Variants in AHRR observed in about 807,000 individuals in gnomAD.
The protein encoded by AHRR is ahR repressor.
Under a neutral mutation model 44.0 loss-of-function variants are expected in AHRR, and 28 were observed. The observed-to-expected ratio is 0.64, with a 90% CI of 0.47 to 0.87. The LOEUF is 0.87. AHRR is among the 40% of genes least tolerant of loss of function. The pLI is 0.00. For missense variants in AHRR, 990 were observed against 953.9 expected, an observed-to-expected ratio of 1.04 and a Z score of -0.50; for synonymous variants, 434 against 407.0, an observed-to-expected ratio of 1.07 and a Z score of -0.80.
chr5:337,481 C>G lies in AHRR; in HGVS notation c.-10-6412C>G, dbSNP rs915842830. Among the ~76,000 whole-genome samples the G allele has an allele frequency of 6.6e-6, 1 of 152,134 alleles. No homozygotes were observed. Among genetic ancestry groups the G allele is most frequent in the African/African-American group, 2.4e-5 (1 of 41,418 alleles). On this transcript the variant is annotated intron_variant, in intron 1 of 10. Coordinates refer to ENST00000684583, the MANE Select transcript of AHRR (RefSeq NM_001377236.1). This position sits in a 1 kb window ranked among gnomAD's most constrained non-coding sequence, Gnocchi z 4.1. ...GCAGCCTTGACCTCCCAGGCTCAAG[C>G]GATACTCCTGCCTTAGTCTCCTGAG... is the stretch of plus-strand genomic sequence containing the variant.
Position 419,919 on chromosome 5 carries a change from G to C in AHRR, c.442-2810G>C, listed in dbSNP as rs115629748. 0.022 allele frequency among the ~76,000 whole-genome samples: 3,282 copies of C among 152,310 alleles called. 72 individuals are homozygous for C. Among genetic ancestry groups the C allele is most frequent in the Admixed American group, 0.052 (801 of 15,300 alleles). On this transcript the variant is annotated intron_variant, in intron 5 of 10. Coordinates refer to ENST00000684583, the MANE Select transcript of AHRR (RefSeq NM_001377236.1). The surrounding 1 kb of genome is among the most constrained non-coding windows in gnomAD (Gnocchi z 4.4). ...GGATTTTAAGATGTGGAATTGGGAG[G>C]TAGAGTGGTTTAGAATAAGAACTCC...
intron 2 of AHRR, among the ~76,000 whole-genome samples, chr5:349,374 G>A (rs547831188): frequency 3.9e-5 from 6 of 152,196 alleles, no homozygotes; most frequent in Admixed American, 3.3e-4. Context: ...TCAGGAGATC[G>A]AGACCATCCT....
chr5:365,453 G>C (rs2126416541), intron 3 of AHRR, among the ~76,000 whole-genome samples: 1 of 152,182 alleles, frequency 6.6e-6, no homozygotes, highest in South Asian at 2.1e-4. Context: ...AAAATGTGTG[G>C]GATGTAGCCA....
intron 1 of AHRR, among the ~76,000 whole-genome samples, chr5:323,380 C>T (rs1350484017): frequency 2.0e-5 from 3 of 152,162 alleles, no homozygotes; most frequent in African/African-American, 4.8e-5. Flanking sequence ...CTAGGTATGG[C>T]AAGAACTGAG....
chr5:404,206 G>A lies in AHRR; in HGVS notation c.352-9138G>A, dbSNP rs16900846. 8.2e-3 allele frequency: 4,357 copies of A among 528,282 alleles called. 41 individuals carry two copies. The highest frequency in any genetic ancestry group is 0.036 in the African/African-American group (1,876 of 52,126). The allele number at this position is 528,282 out of a possible 1,614,324, so 32.7% of individuals were successfully genotyped here. ...CTGGTCTTCTGCAGCCTTTGAACCC[G>A]TCGCAGCTCTCGCTCATCCATGAGT... is the stretch of plus-strand genomic sequence containing the variant. On this transcript the variant is annotated intron_variant, in intron 4 of 10. Transcript: ENST00000684583. This position sits in a 1 kb window ranked among gnomAD's most constrained non-coding sequence, Gnocchi z 4.1.
chr5:379,952 A>G (rs1733914711), intron 4 of AHRR, among the ~76,000 whole-genome samples: 1 of 152,176 alleles, frequency 6.6e-6, no homozygotes. Context: ...CTAAAGTTGT[A>G]TAGTTTCATA....
chr5:344,941 T>TG (rs1220298708), intron 2 of AHRR, among the ~76,000 whole-genome samples: 118 of 26,356 alleles, frequency 4.5e-3, no homozygotes, highest in Middle Eastern at 0.018. Flanking sequence ...GAGCTGTGTG[T>TG]GGGGGGGGTG....
intron 1 of AHRR, among the ~76,000 whole-genome samples, chr5:324,013 T>TTTTC (rs1553975182): frequency 7.2e-6 from 1 of 138,310 alleles, no homozygotes; most frequent in Admixed American, 6.9e-5. Context: ...TTCTCTTTCT[T>TTTTC]TCTTTCTTTC....
intron 3 of AHRR, among the ~76,000 whole-genome samples, chr5:361,669 G>C (rs945860393): frequency 2.6e-5 from 4 of 152,188 alleles, no homozygotes; most frequent in Admixed American, 6.5e-5. Context: ...CGTGTGACTT[G>C]CTTGGGACCC....
rs566565910 is a variant in AHRR at position 402,534 on chromosome 5, G to A, written c.352-10810G>A. Among the ~76,000 whole-genome samples, 131 of 152,140 alleles carry A rather than the reference G, an allele frequency of 8.6e-4. No individual in the cohort carries two copies. In the Middle Eastern group the frequency reaches 0.01, roughly 12 times the overall value. On this transcript the variant is annotated intron_variant, in intron 4 of 10. Coordinates refer to ENST00000684583, the MANE Select transcript of AHRR (RefSeq NM_001377236.1). ...CGGGAAGGCAGTCGTTGATGAGGGT[G>A]TGGAGAGAAGGGGACCCTCGTGCAC... is the stretch of plus-strand genomic sequence containing the variant.
Position 326,281 on chromosome 5 carries a change from A to G in AHRR, c.-11+4462A>G, listed in dbSNP as rs73734230. Among the ~76,000 whole-genome samples, 15,107 of 152,212 alleles carry G rather than the reference A, an allele frequency of 0.099. 2,418 individuals carry two copies. The highest frequency in any genetic ancestry group is 0.34 in the African/African-American group (13,966 of 41,462). ...CAGTCCCTGCTCCCAGGTCCTGGCC[A>G]CCACGAACCTTTTTATCTGAGTTTG... On this transcript the variant is annotated intron_variant, in intron 1 of 10. Transcript: ENST00000684583. This position sits in a 1 kb window ranked among gnomAD's most constrained non-coding sequence, Gnocchi z 4.1.
intron 1 of AHRR, among the ~76,000 whole-genome samples, chr5:333,174 C>T (rs1476982156): frequency 6.6e-6 from 1 of 152,148 alleles, no homozygotes; most frequent in African/African-American, 2.4e-5. Flanking sequence ...TCCCAAAGTG[C>T]TGAGATTACA....
chr5:355,568 G>A (rs1408879022), intron 3 of AHRR, among the ~76,000 whole-genome samples: 4 of 152,138 alleles, frequency 2.6e-5, no homozygotes, highest in African/African-American at 4.8e-5. Context: ...TTTCCTCTCC[G>A]CACAGGTCCC....
chr5:402,450 GGCGGGAAGGCA>G (rs1735056103), intron 4 of AHRR, among the ~76,000 whole-genome samples: 1 of 124,114 alleles, frequency 8.1e-6, no homozygotes, highest in Non-Finnish European at 1.7e-5. Context: ...GTGCACTGTT[GGCGGGAAGGCA>G]GTCGTTGTTG....
intron 5 of AHRR, among the ~76,000 whole-genome samples, chr5:414,292 C>T (rs748701790): frequency 2.6e-5 from 4 of 151,966 alleles, no homozygotes; most frequent in Admixed American, 6.6e-5. Flanking sequence ...AAAAAAATCC[C>T]ACTCAAGGCC....
chr5:347,199 C>A (rs6555192), intron 2 of AHRR, among the ~76,000 whole-genome samples: 1 of 152,100 alleles, frequency 6.6e-6, no homozygotes, highest in Non-Finnish European at 1.5e-5. Context: ...ACCGTGTTTA[C>A]GCCTTTTGCT....
At position 353,837 on chromosome 5, in the gene AHRR, T is replaced by G; in HGVS notation, c.170T>G (p.Ile57Ser). The stretch of plus-strand genomic sequence containing the variant: ...AGCCTGCTGCCGTTCCCGCCTGACA[T>G]CATCTCCAAGCTGGACAAGCTTTCT... The part of the protein sequence containing the change: ...LASLLPFPPD[I>S]ISKLDKLSVL... Residue 57 changes from isoleucine (I) to serine (S), a missense_variant, in exon 3 of 11, where the codon ATC (isoleucine) becomes AGC (serine). By Grantham distance (142) the Ile-to-Ser change is moderately radical. Transcript: ENST00000684583. 1.2e-6 allele frequency: 2 copies of G among 1,614,076 alleles called. No individual in the cohort carries two copies. The highest frequency in any genetic ancestry group is 1.7e-6 in the Non-Finnish European group (2 of 1,180,010).
chr5:374,750 C>T (rs900927208), intron 3 of AHRR, among the ~76,000 whole-genome samples: 2 of 152,248 alleles, frequency 1.3e-5, no homozygotes, highest in African/African-American at 4.8e-5. Flanking sequence ...CCTCGCCCCC[C>T]ACGGACACCT....
At position 387,056 on chromosome 5, in the gene AHRR, G is replaced by A. The variant is rs952919599; in HGVS notation, c.351+10340G>A. 6.6e-6 allele frequency among the ~76,000 whole-genome samples: 1 copy of A among 152,244 alleles called. No individual in the cohort carries two copies. The highest frequency in any genetic ancestry group is 2.4e-5 in the African/African-American group (1 of 41,464). ...TTTCCATATCCGTTTGATTGTCAAA[G>A]CCTCTGCTGCACGGGGTGGGTCTGC... On this transcript the variant is annotated intron_variant, in intron 4 of 10. Transcript: ENST00000684583. The surrounding 1 kb of genome is among the most constrained non-coding windows in gnomAD (Gnocchi z 5.1).
Sources: gnomAD v4.1 joint callset for allele counts (sites outside exome capture counted in the v4.1 genomes callset) on GRCh38, gnomAD v4.1.1 for gene constraint, Gnocchi (gnomAD v3.1) non-coding constraint, MANE v1.5 for transcripts, NCBI Gene and HGNC (gene_info 2026-07-23, HGNC 2026-07-21) for gene names.